Variants in S1PR3 observed in about 807,000 individuals in gnomAD.
S1PR3 encodes the protein sphingosine-1-phosphate receptor 3.
A neutral mutation model predicts 13.3 loss-of-function variants in S1PR3; 12 were observed. The observed-to-expected ratio is 0.90, with a 90% CI of 0.58 to 1.46. The LOEUF (loss-of-function observed/expected upper bound fraction) is 1.46, where lower values mean the gene tolerates loss of function less well. S1PR3 is among the 40% of genes most tolerant of loss of function. The probability of loss-of-function intolerance (pLI) is 0.00; values close to 1 mark genes in which losing one functional copy is unlikely to be tolerated. For synonymous variants in S1PR3, 232 were observed against 214.0 expected, an observed-to-expected ratio of 1.08 and a Z score of -0.73; for missense variants, 450 against 501.9, an observed-to-expected ratio of 0.90 and a Z score of 0.99.
Position 89,001,246 on chromosome 9 carries a change from G to A in S1PR3, c.46G>A (p.Glu16Lys). ...GCGTCTCCAGCCGGTGCGGGGGAAC[G>A]AGACCCTGCGGGAGCATTACCAGTA... ...PPRLQPVRGN[E>K]TLREHYQYVG... The change falls in exon 2 of 2, where the codon GAG becomes AAG. Residue 16 changes from glutamate to lysine, a missense_variant. Transcript: ENST00000358157. The A allele has an allele frequency of 6.2e-7, 1 of 1,614,048 alleles. No homozygotes were observed. Among genetic ancestry groups the A allele is most frequent in the Non-Finnish European group, 8.5e-7 (1 of 1,179,952 alleles).
In S1PR3 at chr9:88,991,751, G is replaced by C; in HGVS notation, c.-148+56G>C. 6.4e-7 allele frequency: 1 copy of C among 1,553,476 alleles called. No individual in the cohort carries two copies. Among genetic ancestry groups the C allele is most frequent in the Non-Finnish European group, 8.7e-7 (1 of 1,148,484 alleles). On this transcript the variant is annotated intron_variant, in intron 1 of 1. Transcript: ENST00000358157. This position sits in a 1 kb window ranked among gnomAD's most constrained non-coding sequence, Gnocchi z 4.0. ...CCAGGGTGGGGGGCTGGGGGCCGAAGGACCCACCTTTCCAACAAAATCCCC... is the reference window on the plus strand; with the variant it reads ...CCAGGGTGGGGGGCTGGGGGCCGAACGACCCACCTTTCCAACAAAATCCCC...
chr9:88,991,676 A>T lies in S1PR3; in HGVS notation c.-167A>T. On this transcript the variant is annotated 5_prime_UTR_variant, in exon 1 of 2. Transcript: ENST00000358157. The surrounding 1 kb of genome is among the most constrained non-coding windows in gnomAD (Gnocchi z 4.0). ...CACCCGCTAGGATGCCGGTGGCCCC[A>T]GCGCCCTCAGCCGACGGAGGTGAGA... 6.6e-7 allele frequency: 1 copy of T among 1,515,180 alleles called. No homozygotes were observed. The highest frequency in any genetic ancestry group is 8.8e-7 in the Non-Finnish European group (1 of 1,133,420). 93.9% of individuals were successfully genotyped at this position (1,515,180 alleles called of 1,614,324 possible).
chr9:88,995,483 G>C (rs1825790437), intron 1 of S1PR3: 1 of 167,054 alleles, frequency 6.0e-6, no homozygotes, highest in Non-Finnish European at 1.5e-5. Context: ...GGGGAAGGTA[G>C]GCACCTCTGA....
chr9:89,003,977 A>G lies in S1PR3; in HGVS notation c.*1640A>G, dbSNP rs1564065845. Reference sequence around the variant, plus strand: ...GATGAGATGAAACCTATTTGTAAGGAGATCTTCCCCAGGAGCATTTCTGTT... The same window carrying G: ...GATGAGATGAAACCTATTTGTAAGGGGATCTTCCCCAGGAGCATTTCTGTT... On this transcript the variant is annotated 3_prime_UTR_variant, in exon 2 of 2. Transcript: ENST00000358157. 6.0e-6 allele frequency: 1 copy of G among 166,594 alleles called. No individual in the cohort carries two copies. Among genetic ancestry groups the G allele is most frequent in the Non-Finnish European group, 1.5e-5 (1 of 68,090 alleles). The allele number at this position is 166,594 out of a possible 1,614,324, so 10.3% of individuals were successfully genotyped here. A position where few individuals can be genotyped will look rare whatever the true frequency, so the allele number is the denominator to read the frequency against.
Position 89,001,540 on chromosome 9 carries a change from A to G in S1PR3, c.340A>G (p.Arg114Gly). 1 of 1,614,190 alleles carries G rather than the reference A, an allele frequency of 6.2e-7. No homozygotes were observed. Among genetic ancestry groups the G allele is most frequent in the Non-Finnish European group, 8.5e-7 (1 of 1,180,034 alleles). Residue 114 changes from arginine (R) to glycine (G), a missense_variant, in exon 2 of 2, where the codon AGG (arginine) becomes GGG (glycine). Physicochemically the swap from Arg to Gly is moderately radical, Grantham distance 125 (BLOSUM62 -2). Coordinates refer to ENST00000358157, the MANE Select transcript of S1PR3 (RefSeq NM_005226.4). ...FSLSPTVWFL[R>G]EGSMFVALGA... ...CCTGTCTCCCACGGTCTGGTTCCTC[A>G]GGGAGGGCAGTATGTTCGTGGCCCT...
chr9:88,998,520 A>G (rs1825832992), intron 1 of S1PR3: 1 of 152,294 alleles, frequency 6.6e-6, no homozygotes, highest in African/African-American at 2.4e-5. Context: ...AAACAACTAA[A>G]AGGACAGTAT....
intron 1 of S1PR3, chr9:89,000,313 A>T (rs550846441): frequency 6.6e-6 from 1 of 152,200 alleles, no homozygotes; most frequent in Non-Finnish European, 1.5e-5. Context: ...AGCCAGACTC[A>T]GTCAGTGTGA....
chr9:88,992,045 TG>T lies in S1PR3; in HGVS notation c.-148+352del, dbSNP rs547221413. 302 of 1,603,656 alleles carry T rather than the reference TG, an allele frequency of 1.9e-4. 1 individual carries two copies. The African/African-American group carries it at 3.0e-3, about 16-fold the overall frequency. On this transcript the variant is annotated intron_variant, in intron 1 of 1. Transcript: ENST00000358157. ...GGATGCTGGACGTGGGAGAGGGTTGTGGTCGTTAGCCTGGGAAAATCATTCT... is the reference window on the plus strand; with the variant it reads ...GGATGCTGGACGTGGGAGAGGGTTGTGTCGTTAGCCTGGGAAAATCATTCT...
At chr9:88,992,143 A>G in intron 1 of S1PR3, 3 of 1,044,462 alleles carry the variant, frequency 2.9e-6, no homozygotes, top group Non-Finnish European at 4.2e-6. Context: ...GGCCGTCAGA[A>G]TCGGTGCTGG....
Position 89,001,076 on chromosome 9 carries a change from C to A in S1PR3, c.-125C>A. ...CAGGAGCCCTTTTTCAACGCCCTCG[C>A]TGGAGTCTGGCCTGCACGCCTTGCT... On this transcript the variant is annotated 5_prime_UTR_variant, in exon 2 of 2. In the 5' UTR this introduces an upstream ATG that the reference lacks. Coordinates refer to ENST00000358157, the MANE Select transcript of S1PR3 (RefSeq NM_005226.4). The A allele has an allele frequency of 9.0e-7, 1 of 1,114,484 alleles. No homozygotes were observed. The highest frequency in any genetic ancestry group is 1.3e-6 in the Non-Finnish European group (1 of 777,940). The allele number at this position is 1,114,484 out of a possible 1,614,324, so 69.0% of individuals were successfully genotyped here. A position where few individuals can be genotyped will look rare whatever the true frequency, so the allele number is the denominator to read the frequency against.
At chr9:88,990,902 C>G, upstream of S1PR3, 3 of 1,495,526 alleles carry the variant, frequency 2.0e-6, no homozygotes, top group East Asian at 2.4e-5. Context: ...GGAGGGGACC[C>G]GCGCGGAAAA....
Position 88,991,847 on chromosome 9 carries a change from C to T in S1PR3, c.-148+152C>T. The T allele has an allele frequency of 6.2e-7, 1 of 1,613,772 alleles. No individual in the cohort carries two copies. Among genetic ancestry groups the T allele is most frequent in the Non-Finnish European group, 8.5e-7 (1 of 1,179,808 alleles). On this transcript the variant is annotated intron_variant, in intron 1 of 1. Coordinates refer to ENST00000358157, the MANE Select transcript of S1PR3 (RefSeq NM_005226.4). The surrounding 1 kb of genome is among the most constrained non-coding windows in gnomAD (Gnocchi z 4.0). ...GAGCGCTCCACATCAGCACCCCTCC[C>T]CCAGAGCCGCTGCAGGAACAGGGAG...
rs117135373 is a variant in S1PR3 at position 89,002,605 on chromosome 9, C to A, written c.*268C>A. 7.6e-6 allele frequency: 4 copies of A among 528,512 alleles called. No homozygotes were observed. Among genetic ancestry groups the A allele is most frequent in the Non-Finnish European group, 1.4e-5 (4 of 285,592 alleles). 32.7% of individuals were successfully genotyped at this position (528,512 alleles called of 1,614,324 possible). The stretch of plus-strand genomic sequence containing the variant: ...ACTGCCTTCTGCTGCATCCTAGACA[C>A]CCTCCCTGTTGTTCACAGAGAGGGA... On this transcript the variant is annotated 3_prime_UTR_variant, in exon 2 of 2. Transcript: ENST00000358157.
In S1PR3 at chr9:88,991,867, A is replaced by AG. The variant is rs1825720687; in HGVS notation, c.-148+175dup. On this transcript the variant is annotated intron_variant, in intron 1 of 1. Transcript: ENST00000358157. This position sits in a 1 kb window ranked among gnomAD's most constrained non-coding sequence, Gnocchi z 4.0. ...CCTCCCCCAGAGCCGCTGCAGGAAC[A>AG]GGGAGGAGGCCTTTTCCACCGCACC... The AG allele has an allele frequency of 1.2e-6, 2 of 1,614,006 alleles. No homozygotes were observed. Among genetic ancestry groups the AG allele is most frequent in the Middle Eastern group, 1.6e-4 (1 of 6,084 alleles).
At chr9:88,992,038 A>G in intron 1 of S1PR3, 2 of 1,610,430 alleles carry the variant, frequency 1.2e-6, no homozygotes, top group Non-Finnish European at 8.5e-7. Flanking sequence ...GACGTGGGAG[A>G]GGGTTGTGGT....
intron 1 of S1PR3, chr9:88,996,536 GT>G (rs1325174519): frequency 1.3e-5 from 2 of 152,254 alleles, no homozygotes; most frequent in African/African-American, 4.8e-5. Flanking sequence ...GGACACAATT[GT>G]ATCCTGTAGG....
chr9:89,001,928 G>A lies in S1PR3; in HGVS notation c.728G>A (p.Arg243Gln), dbSNP rs34075341. Residue 243 changes from arginine to glutamine, a missense_variant, in exon 2 of 2, where the codon CGG becomes CAG. By Grantham distance (43) the Arg-to-Gln change is conservative. Transcript: ENST00000358157. ...TCGGAGCGGTCCATGGCACTGCTGC[G>A]GACCGTGGTGATTGTGGTGAGCGTG... The part of the protein sequence containing the change: ...NNSERSMALL[R>Q]TVVIVVSVFI... 0.037 allele frequency: 59,224 copies of A among 1,614,130 alleles called. 1,222 individuals carry two copies. The highest frequency in any genetic ancestry group is 0.072 in the Middle Eastern group (439 of 6,060).
rs1825884236 is a variant in S1PR3 at position 89,002,509 on chromosome 9, G to A, written c.*172G>A. 8 of 762,662 alleles carry A rather than the reference G, an allele frequency of 1.0e-5. No individual in the cohort carries two copies. Among genetic ancestry groups the A allele is most frequent in the Non-Finnish European group, 1.5e-5 (7 of 471,540 alleles). 47.2% of individuals were successfully genotyped at this position (762,662 alleles called of 1,614,324 possible). ...CCCAAGGAATCACCACCCCGCTTCA[G>A]TGTAAACAACGTGCCTTGTCCACTT... On this transcript the variant is annotated 3_prime_UTR_variant, in exon 2 of 2. Coordinates refer to ENST00000358157, the MANE Select transcript of S1PR3 (RefSeq NM_005226.4).
chr9:88,996,495 C>T (rs1005595124), intron 1 of S1PR3: 3 of 152,258 alleles, frequency 2.0e-5, no homozygotes, highest in African/African-American at 7.2e-5. Flanking sequence ...GTGCATGACT[C>T]GTACAAGCAT....
Sources: gnomAD v4.1 joint callset for allele counts on GRCh38, gnomAD v4.1.1 for gene constraint, Gnocchi (gnomAD v3.1) non-coding constraint, MANE v1.5 for transcripts, NCBI Gene and HGNC (gene_info 2026-07-23, HGNC 2026-07-21) for gene names.